SRCAP: variants seen among roughly 807,000 people sequenced by gnomAD.
SRCAP encodes chromatin remodeling protein SRCAP.
In SRCAP, 46 loss-of-function variants were observed where a neutral mutation model predicts 263.1. The ratio of observed to expected loss-of-function variants is 0.17; its 90% confidence interval spans 0.14 to 0.22. The LOEUF (loss-of-function observed/expected upper bound fraction) is 0.22, where lower values mean the gene tolerates loss of function less well. Among genes scored for constraint, SRCAP ranks in the 10% least tolerant of loss-of-function variants. The probability of loss-of-function intolerance (pLI) is 1.00; values close to 1 mark genes in which losing one functional copy is unlikely to be tolerated. For synonymous variants in SRCAP, 1,813 were observed against 1,662.1 expected, an observed-to-expected ratio of 1.09 and a Z score of -2.21; for missense variants, 3,695 against 4,181.9, an observed-to-expected ratio of 0.88 and a Z score of 3.21.
intron 3 of SRCAP, among the ~76,000 whole-genome samples, chr16:30,702,135 G>A (rs923938109): frequency 1.3e-5 from 2 of 151,264 alleles, no homozygotes; most frequent in Non-Finnish European, 2.9e-5. Context: ...TGTGTTTTTA[G>A]TAGAGATGGG....
chr16:30,735,313 A>AT (rs1446389976), intron 31 of SRCAP, among the ~76,000 whole-genome samples: 1 of 149,142 alleles, frequency 6.7e-6, no homozygotes, highest in Non-Finnish European at 1.5e-5. Context: ...CGCCCGGCTA[A>AT]TTTTTTGTAT....
intron 25 of SRCAP, chr16:30,725,447 T>C: frequency 5.4e-6 from 1 of 186,298 alleles, no homozygotes; most frequent in Non-Finnish European, 1.1e-5. Context: ...GTCTGTGTAG[T>C]ACTTGAGTTA....
At chr16:30,705,043 G>A (rs1484380838) in intron 4 of SRCAP, among the ~76,000 whole-genome samples, 1 of 152,222 alleles carries the variant, frequency 6.6e-6, no homozygotes, top group Non-Finnish European at 1.5e-5. Flanking sequence ...GCTCATGCCT[G>A]TAATCCCAGC....
rs375035018 is a variant in SRCAP, at chr16:30,713,494, T to G, written c.2301-25T>G. The G allele has an allele frequency of 2.5e-6, 4 of 1,613,520 alleles. No homozygotes were observed. In the African/African-American group the frequency reaches 5.3e-5, roughly 22 times the overall value. ...TTGGGAGCTTGCTGACCATACTCTC[T>G]CTGATTCTCTCTGTCTCTTTGCAGC... On this transcript the variant is annotated intron_variant, in intron 15 of 33. Transcript: ENST00000262518.
intron 18 of SRCAP, 146 bp from the exon 19 acceptor site, chr16:30,720,016 G>T: frequency 3.9e-6 from 3 of 768,318 alleles, no homozygotes; most frequent in Non-Finnish European, 6.3e-6. Context: ...CCAATGTTTA[G>T]CTCCCACTTG....
chr16:30,726,015 AACGCT>A, intron 25 of SRCAP: 1 of 152,278 alleles, frequency 6.6e-6, no homozygotes, highest in South Asian at 2.1e-4. Context: ...CCCAAAAAGA[AACGCT>A]GCACCTGTTA....
At chr16:30,727,509 T>TC (rs2053074896) in intron 25 of SRCAP, among the ~76,000 whole-genome samples, 1 of 151,928 alleles carries the variant, frequency 6.6e-6, no homozygotes, top group African/African-American at 2.4e-5. Flanking sequence ...ATCTCAGCCC[T>TC]CCAAGTAGCT....
At position 30,737,712 on chromosome 16, in the gene SRCAP, T is replaced by C. The variant is rs754764061; in HGVS notation, c.7672T>C (p.Leu2558=). 2.5e-6 allele frequency: 4 copies of C among 1,614,082 alleles called. No individual in the cohort carries two copies. Among genetic ancestry groups the C allele is most frequent in the African/African-American group, 1.3e-5 (1 of 74,930 alleles). The change falls in exon 34 of 34, where the codon TTG becomes CTG. Residue 2558 remains leucine, a synonymous_variant. Transcript: ENST00000262518. ...TGAGGCAGAGCTGTGTGCCCAGGCA[T>C]TGGCATCTCCAGAGTCCCTGGAGCT... ...RPEAELCAQA[L]ASPESLELAS... is the part of the protein sequence containing the mutation.
intron 4 of SRCAP, among the ~76,000 whole-genome samples, chr16:30,705,023 G>A (rs752740471): frequency 6.6e-6 from 1 of 151,966 alleles, no homozygotes; most frequent in Admixed American, 6.5e-5. Context: ...ATTCTTTGCC[G>A]GGCGTGGTGG....
intron 3 of SRCAP, among the ~76,000 whole-genome samples, chr16:30,703,533 T>C (rs2052792510): frequency 6.6e-6 from 1 of 151,756 alleles, no homozygotes; most frequent in South Asian, 2.1e-4. Flanking sequence ...ACTGTGTAAA[T>C]GTCAGGACAT....
chr16:30,717,573 A>G (rs184393027), intron 18 of SRCAP, among the ~76,000 whole-genome samples: 30 of 144,286 alleles, frequency 2.1e-4, no homozygotes, highest in African/African-American at 7.0e-4. Context: ...CAGCCTTCCA[A>G]CTAGCTGGGA....
In SRCAP at chr16:30,739,656, C is replaced by T. The variant is rs1055880050; in HGVS notation, c.9616C>T (p.Arg3206Cys). Residue 3206 changes from arginine (R) to cysteine (C), a missense_variant, in exon 34 of 34, where the codon CGC becomes TGC. Transcript: ENST00000262518. Reference sequence around the variant, plus strand: ...TGGGACCACCAACCAAGGGGACCAGCGCATCCTGCGCAGCAGCGCCCCTCC... The same window carrying T: ...TGGGACCACCAACCAAGGGGACCAGTGCATCCTGCGCAGCAGCGCCCCTCC... The part of the protein sequence containing the change: ...LVGTTNQGDQ[R>C]ILRSSAPPSL... The T allele has an allele frequency of 1.9e-6, 3 of 1,584,112 alleles. No homozygotes were observed. Among genetic ancestry groups the T allele is most frequent in the Non-Finnish European group, 2.6e-6 (3 of 1,166,484 alleles).
In SRCAP at chr16:30,737,645, C is replaced by G; in HGVS notation, c.7605C>G (p.Pro2535=). Residue 2535 remains proline (P), a synonymous_variant, in exon 34 of 34, where the codon CCC becomes CCG. Coordinates refer to ENST00000262518, the MANE Select transcript of SRCAP (RefSeq NM_006662.3). ...SPLLLGPPSV[P]ISASVTNLPL... The stretch of plus-strand genomic sequence containing the variant: ...TCTTGCTTGGTCCACCTTCTGTGCC[C>G]ATCTCTGCCTCAGTCACTAATCTCC... 1 of 1,614,080 alleles carries G rather than the reference C, an allele frequency of 6.2e-7. No homozygotes were observed. The highest frequency in any genetic ancestry group is 8.5e-7 in the Non-Finnish European group (1 of 1,180,026).
At chr16:30,722,453 T>C in intron 22 of SRCAP, 110 bp from the exon 23 acceptor site, 1 of 1,502,168 alleles carries the variant, frequency 6.7e-7, no homozygotes. Context: ...GAAGAGGTCA[T>C]TCTAGAGAAT....
chr16:30,731,688 CCT>C (rs1399408395), intron 27 of SRCAP, among the ~76,000 whole-genome samples: 1 of 151,796 alleles, frequency 6.6e-6, no homozygotes, highest in East Asian at 1.9e-4. Flanking sequence ...ATGGCGAAAC[CCT>C]GTCTCCTCAA....
At position 30,716,472 on chromosome 16, in the gene SRCAP, C is replaced by T. The variant is rs1169817691; in HGVS notation, c.2810C>T (p.Pro937Leu). 3 of 1,612,048 alleles carry T rather than the reference C, an allele frequency of 1.9e-6. No individual in the cohort carries two copies. The highest frequency in any genetic ancestry group is 2.5e-6 in the Non-Finnish European group (3 of 1,179,104). Residue 937 changes from proline (P) to leucine (L), a missense_variant, in exon 18 of 34, where the codon CCC (proline) becomes CTC (leucine). Coordinates refer to ENST00000262518, the MANE Select transcript of SRCAP (RefSeq NM_006662.3). The stretch of plus-strand genomic sequence containing the variant: ...GTGCTAAGGGCCACGGATGTCCATC[C>T]CCTCCAGGTAAGTATGATTCCATTA... ...SLVLRATDVH[P>L]LQRIDMGRFD...
chr16:30,706,511 T>G (rs2052829032), intron 4 of SRCAP, among the ~76,000 whole-genome samples: 1 of 152,176 alleles, frequency 6.6e-6, no homozygotes, highest in African/African-American at 2.4e-5. Context: ...CAAAAAAATT[T>G]TAAATGCTTT....
chr16:30,700,527 T>C lies in SRCAP; in HGVS notation c.-209-89T>C. On this transcript the variant is annotated intron_variant, in intron 2 of 33. Transcript: ENST00000262518. ...CCTGTAATTTCTGTGTTTCTCTTTA[T>C]TCAGTGTTATTTCTGGTTTTTTAAA... 1.0e-5 allele frequency: 3 copies of C among 291,312 alleles called. No homozygotes were observed. The South Asian group carries it at 2.0e-4, about 20-fold the overall frequency. The allele number at this position is 291,312 out of a possible 1,614,324, so 18.0% of individuals were successfully genotyped here. A position where few individuals can be genotyped will look rare whatever the true frequency, so the allele number is the denominator to read the frequency against.
chr16:30,709,858 C>G lies in SRCAP; in HGVS notation c.864C>G (p.Asp288Glu). The G allele has an allele frequency of 6.2e-7, 1 of 1,614,122 alleles. No homozygotes were observed. Reference protein sequence around the residue: ...PASRLDDEDGDFQPQEDEEED... With the variant: ...PASRLDDEDGEFQPQEDEEED... ...CTTGTTCTCCTGCTATAGATGGGGA[C>G]TTTCAACCCCAAGAGGATGAGGAAG... Residue 288 changes from aspartate to glutamate, a missense_variant, in exon 8 of 34, where the codon GAC becomes GAG. Physicochemically the swap from Asp to Glu is conservative, Grantham distance 45 (BLOSUM62 2). Around this residue, in one of 12 missense-constraint regions of SRCAP, gnomAD observed 44 missense variants for 42.9 expected, o/e 1.03. Coordinates refer to ENST00000262518, the MANE Select transcript of SRCAP (RefSeq NM_006662.3).
Sources: gnomAD v4.1 joint callset for allele counts (sites outside exome capture counted in the v4.1 genomes callset) on GRCh38, gnomAD v4.1.1 for gene constraint, gnomAD v4.1.1 regional missense constraint, MANE v1.5 for transcripts, NCBI Gene and HGNC (gene_info 2026-07-23, HGNC 2026-07-21) for gene names.